The following EPB41L4A variants were observed in gnomAD, a reference collection of about 807,000 sequenced individuals.
The protein encoded by EPB41L4A is band 4.1-like protein 4A.
A neutral mutation model predicts 108.6 loss-of-function variants in EPB41L4A; 100 were observed. That is an observed-to-expected ratio of 0.92 (90% CI 0.78 to 1.09). The LOEUF (loss-of-function observed/expected upper bound fraction) is 1.09, where lower values mean the gene tolerates loss of function less well. Among genes scored for constraint, EPB41L4A ranks in the 50% least tolerant of loss-of-function variants. The pLI is 0.00. For missense variants in EPB41L4A, 1,030 were observed against 842.7 expected (o/e 1.22, Z -2.75); for synonymous variants, 319 against 289.0 (o/e 1.10, Z -1.05).
At chr5:112,200,297 T>C (rs930926157) in intron 15 of EPB41L4A, among the ~76,000 whole-genome samples, 32 of 152,198 alleles carry the variant, frequency 2.1e-4, no homozygotes, top group African/African-American at 6.5e-4. Flanking sequence ...CCCAACCTCT[T>C]TGGCTCAGTG....
At chr5:112,198,675 T>C (rs1440081717) in intron 15 of EPB41L4A, among the ~76,000 whole-genome samples, 1 of 152,164 alleles carries the variant, frequency 6.6e-6, no homozygotes, top group African/African-American at 2.4e-5. Context: ...TTCCATACAT[T>C]TGTTTTATTG....
At chr5:112,238,085 T>C (rs938618584) in intron 11 of EPB41L4A, among the ~76,000 whole-genome samples, 9 of 152,190 alleles carry the variant, frequency 5.9e-5, no homozygotes, top group African/African-American at 2.2e-4. Flanking sequence ...CAACAGCGTA[T>C]GTTAAAGAGG....
At chr5:112,322,959 A>G (rs890541339) in intron 1 of EPB41L4A, among the ~76,000 whole-genome samples, 4 of 151,982 alleles carry the variant, frequency 2.6e-5, no homozygotes, top group African/African-American at 9.7e-5. Context: ...GGTAATGGGG[A>G]CTTTCAAGAA....
intron 18 of EPB41L4A, among the ~76,000 whole-genome samples, chr5:112,180,077 T>C (rs560593477): frequency 1.8e-4 from 28 of 152,142 alleles, no homozygotes; most frequent in Non-Finnish European, 3.4e-4. Context: ...AATTACTCCG[T>C]ACTGAGAACT....
intron 2 of EPB41L4A, among the ~76,000 whole-genome samples, chr5:112,296,416 T>C (rs1753986835): frequency 6.6e-6 from 1 of 152,092 alleles, no homozygotes; most frequent in African/African-American, 2.4e-5. Flanking sequence ...ACAGGTGGTC[T>C]TGAATTCATT....
intron 1 of EPB41L4A, among the ~76,000 whole-genome samples, chr5:112,356,320 A>G (rs1244639437): frequency 6.6e-6 from 1 of 152,126 alleles, no homozygotes; most frequent in Non-Finnish European, 1.5e-5. Context: ...ATCATCAAAA[A>G]CTTGATACTT....
intron 1 of EPB41L4A, among the ~76,000 whole-genome samples, chr5:112,393,338 C>A (rs543585214): frequency 1.1e-4 from 16 of 151,770 alleles, no homozygotes; most frequent in African/African-American, 3.9e-4. Flanking sequence ...ATTGATAGAC[C>A]GCTAGCAAGA....
In EPB41L4A at chr5:112,312,697, C is replaced by T. The variant is rs530536431; in HGVS notation, c.100-5207G>A. On this transcript the variant is annotated intron_variant, in intron 1 of 22. Coordinates refer to ENST00000261486, the MANE Select transcript of EPB41L4A (RefSeq NM_022140.5). ...GGTGGAGGTACATATCACCAGCTCA[C>T]ACTTCTGTCCATTCTGCCCTAACTG... Among the ~76,000 whole-genome samples, 5 of 152,356 alleles carry T rather than the reference C, an allele frequency of 3.3e-5. No homozygotes were observed. In the East Asian group the frequency reaches 9.6e-4, roughly 29 times the overall value.
chr5:112,190,206 G>A (rs558499434), intron 17 of EPB41L4A, among the ~76,000 whole-genome samples: 1 of 152,198 alleles, frequency 6.6e-6, no homozygotes, highest in East Asian at 1.9e-4. Context: ...GAAAGTTTAG[G>A]CATTTTAGTT....
intron 2 of EPB41L4A, among the ~76,000 whole-genome samples, chr5:112,294,684 C>A (rs55639430): frequency 0.19 from 29,035 of 151,676 alleles, 3,718 homozygotes; most frequent in African/African-American, 0.36. Context: ...GCAGCACATA[C>A]AACCCCCCGA....
chr5:112,208,686 T>C (rs1196386302), intron 13 of EPB41L4A, among the ~76,000 whole-genome samples: 1 of 152,176 alleles, frequency 6.6e-6, no homozygotes, highest in African/African-American at 2.4e-5. Context: ...TTTACCCATG[T>C]GACAAACCTA....
At position 112,360,186 on chromosome 5, in the gene EPB41L4A, G is replaced by A. The variant is rs972727381; in HGVS notation, c.100-52696C>T. 9.2e-5 allele frequency among the ~76,000 whole-genome samples: 14 copies of A among 152,116 alleles called. 1 individual carries two copies. Among genetic ancestry groups the A allele is most frequent in the African/African-American group, 1.2e-4 (5 of 41,432 alleles). On this transcript the variant is annotated intron_variant, in intron 1 of 22. Coordinates refer to ENST00000261486, the MANE Select transcript of EPB41L4A (RefSeq NM_022140.5). Reference sequence around the variant, plus strand: ...CACGCCTGTCCCAGCACTTTGGGAGGCCGAGGCAGGAGGATCACTTGAGTC... The same window carrying A: ...CACGCCTGTCCCAGCACTTTGGGAGACCGAGGCAGGAGGATCACTTGAGTC...
chr5:112,335,627 T>C (rs144534425), intron 1 of EPB41L4A, among the ~76,000 whole-genome samples: 13 of 152,268 alleles, frequency 8.5e-5, no homozygotes, highest in South Asian at 2.1e-4. Context: ...TCCACAGTCA[T>C]TGCCTGATAG....
chr5:112,273,494 C>G lies in EPB41L4A; in HGVS notation c.335+1832G>C, dbSNP rs1752412097. Among the ~76,000 whole-genome samples the G allele has an allele frequency of 1.3e-5, 2 of 152,032 alleles. 1 individual carries two copies. The highest frequency in any genetic ancestry group is 4.2e-4 in the South Asian group (2 of 4,816). Reference sequence around the variant, plus strand: ...AAAATTAACTCAAGTATTTTTGGACCCTAACCCCTATTGAAGATATAATTC... The same window carrying G: ...AAAATTAACTCAAGTATTTTTGGACGCTAACCCCTATTGAAGATATAATTC... On this transcript the variant is annotated intron_variant, in intron 4 of 22. Coordinates refer to ENST00000261486, the MANE Select transcript of EPB41L4A (RefSeq NM_022140.5).
chr5:112,348,952 G>T (rs1402662867), intron 1 of EPB41L4A, among the ~76,000 whole-genome samples: 1 of 152,202 alleles, frequency 6.6e-6, no homozygotes, highest in East Asian at 1.9e-4. Flanking sequence ...GGGCTCTGGG[G>T]AGACAATGTA....
chr5:112,218,095 G>A (rs1245309439), intron 12 of EPB41L4A, among the ~76,000 whole-genome samples: 2 of 152,224 alleles, frequency 1.3e-5, no homozygotes, highest in Admixed American at 6.5e-5. Flanking sequence ...GGTACTCACA[G>A]ACAGTCCTCC....
intron 12 of EPB41L4A, among the ~76,000 whole-genome samples, chr5:112,146,437 G>A (rs1013778596): frequency 6.6e-6 from 1 of 152,170 alleles, no homozygotes; most frequent in Non-Finnish European, 1.5e-5. Context: ...GTGTCCCACA[G>A]GAGCAGAGGA....
At chr5:112,151,474 C>G (rs1759466780) in intron 12 of EPB41L4A, among the ~76,000 whole-genome samples, 2 of 151,718 alleles carry the variant, frequency 1.3e-5, no homozygotes, top group Non-Finnish European at 2.9e-5. Context: ...GTGGTGCAAT[C>G]TTAGTTCACT....
At position 112,147,912 on chromosome 5, in the gene EPB41L4A, GA is replaced by G. The variant is rs200958441; in HGVS notation, n.995-1915del. The stretch of plus-strand genomic sequence containing the variant: ...AAATTAGCTGGGCAAAATGGCACAT[GA>G]CTTTAGTCCCAGCTACTTGGGAAGC... On this transcript the variant is annotated intron_variant and non_coding_transcript_variant, in intron 12 of 13. Coordinates refer to the EPB41L4A transcript ENST00000507810. 4.8e-3 allele frequency among the ~76,000 whole-genome samples: 732 copies of G among 151,642 alleles called. 5 individuals carry two copies. Among genetic ancestry groups the G allele is most frequent in the Middle Eastern group, 0.014 (4 of 294 alleles).
Sources: gnomAD v4.1 joint callset for allele counts (sites outside exome capture counted in the v4.1 genomes callset) on GRCh38, gnomAD v4.1.1 for gene constraint, MANE v1.5 for transcripts, NCBI Gene and HGNC (gene_info 2026-07-23, HGNC 2026-07-21) for gene names.